OSTN: variants seen among roughly 807,000 people sequenced by gnomAD.
OSTN encodes osteocrin.
A neutral mutation model predicts 12.0 loss-of-function variants in OSTN; 9 were observed. That is an observed-to-expected ratio of 0.75 (90% CI 0.45 to 1.30). The LOEUF (loss-of-function observed/expected upper bound fraction) is 1.30, where lower values mean the gene tolerates loss of function less well. Among genes scored for constraint, OSTN ranks in the 50% most tolerant of loss-of-function variants. The pLI is 0.00. For synonymous variants in OSTN, 59 were observed against 56.9 expected (o/e 1.04, Z -0.16); for missense variants, 148 against 152.3 (o/e 0.97, Z 0.15).
chr3:191,226,713 AAT>A (rs1276309765), intron 3 of OSTN, among the ~76,000 whole-genome samples: 2 of 152,130 alleles, frequency 1.3e-5, no homozygotes, highest in African/African-American at 4.8e-5. Flanking sequence ...AAATTCAATA[AAT>A]AGACTCCATT....
At chr3:191,201,498 T>A (rs927746822) in intron 1 of OSTN, among the ~76,000 whole-genome samples, 1 of 152,184 alleles carries the variant, frequency 6.6e-6, no homozygotes, top group African/African-American at 2.4e-5. Flanking sequence ...GTATTAAAAG[T>A]TCACTTTAGG....
chr3:191,254,693 A>G (rs748894556), intron 4 of OSTN, among the ~76,000 whole-genome samples: 1 of 152,214 alleles, frequency 6.6e-6, no homozygotes, highest in African/African-American at 2.4e-5. Context: ...TACCAAAGAT[A>G]AGTCATAGTC....
intron 3 of OSTN, among the ~76,000 whole-genome samples, chr3:191,231,111 A>G (rs375407597): frequency 6.6e-6 from 1 of 152,350 alleles, no homozygotes; most frequent in Non-Finnish European, 1.5e-5. Context: ...ATTTTTTTAA[A>G]TACAGGAATT....
intron 1 of OSTN, among the ~76,000 whole-genome samples, chr3:191,208,406 G>A (rs1272454443): frequency 6.6e-6 from 1 of 152,202 alleles, no homozygotes; most frequent in Non-Finnish European, 1.5e-5. Flanking sequence ...GCAGGTGCCA[G>A]GGTGTTTGTT....
intron 3 of OSTN, among the ~76,000 whole-genome samples, chr3:191,223,548 G>A (rs926589807): frequency 2.0e-5 from 3 of 152,212 alleles, no homozygotes; most frequent in East Asian, 1.9e-4. Flanking sequence ...ATTGCTTCAC[G>A]GCTATTAACT....
At chr3:191,214,261 A>G (rs1483224183) in intron 2 of OSTN, among the ~76,000 whole-genome samples, 1 of 151,974 alleles carries the variant, frequency 6.6e-6, no homozygotes, top group Non-Finnish European at 1.5e-5. Context: ...GAGTCTGGCC[A>G]ACATGGTGAA....
At chr3:191,218,596 C>G (rs1054326482) in intron 2 of OSTN, 151 bp from the exon 3 acceptor site, 8 of 640,656 alleles carry the variant, frequency 1.2e-5, no homozygotes, top group Non-Finnish European at 1.9e-5. Flanking sequence ...GCACCCCAAC[C>G]TTGACAACAA....
At chr3:191,226,780 G>T (rs148580392) in intron 3 of OSTN, among the ~76,000 whole-genome samples, 64 of 152,268 alleles carry the variant, frequency 4.2e-4, no homozygotes, top group African/African-American at 1.5e-3. Flanking sequence ...GTAAGTAAAA[G>T]AATATAGTTT....
chr3:191,222,770 T>A (rs1410677781), intron 3 of OSTN, among the ~76,000 whole-genome samples: 1 of 152,052 alleles, frequency 6.6e-6, no homozygotes, highest in African/African-American at 2.4e-5. Context: ...GATCCCCTCG[T>A]GTTATGGGAA....
intron 2 of OSTN, among the ~76,000 whole-genome samples, chr3:191,216,284 T>G (rs1714609265): frequency 6.6e-6 from 1 of 152,210 alleles, no homozygotes; most frequent in Admixed American, 6.5e-5. Flanking sequence ...CCTGGCCTAT[T>G]AAACCATTTT....
chr3:191,230,439 C>T (rs1483137567), intron 3 of OSTN, among the ~76,000 whole-genome samples: 1 of 151,832 alleles, frequency 6.6e-6, no homozygotes, highest in Non-Finnish European at 1.5e-5. Flanking sequence ...TGGTGGGCGC[C>T]TGTAGCCCCA....
chr3:191,206,164 C>A (rs1321246421), intron 1 of OSTN, among the ~76,000 whole-genome samples: 2 of 148,366 alleles, frequency 1.3e-5, no homozygotes, highest in Non-Finnish European at 3.0e-5. Context: ...CCAGCCTGGG[C>A]AACAAGAGCG....
chr3:191,249,249 T>C (rs1013371953), intron 3 of OSTN, among the ~76,000 whole-genome samples: 2 of 152,218 alleles, frequency 1.3e-5, no homozygotes, highest in African/African-American at 4.8e-5. Flanking sequence ...GTGAAAGTTA[T>C]ACGATCAAAG....
At chr3:191,206,281 G>A (rs1317476972) in intron 1 of OSTN, among the ~76,000 whole-genome samples, 1 of 151,768 alleles carries the variant, frequency 6.6e-6, no homozygotes, top group Non-Finnish European at 1.5e-5. Flanking sequence ...TCTGAAATTG[G>A]AATTAGTCTT....
In OSTN at chr3:191,218,788, A is replaced by G. The variant is rs34687554; in HGVS notation, c.144A>G (p.Thr48=). ...SGVIDVQSTP[T]VREEKSATDL... ...TCATAGATGTGCAGTCAACACCCACAGTCAGGGAAGAGAAATCAGCCACTG... is the reference window on the plus strand; with the variant it reads ...TCATAGATGTGCAGTCAACACCCACGGTCAGGGAAGAGAAATCAGCCACTG... Residue 48 remains threonine, a synonymous_variant, in exon 3 of 5, where the codon ACA becomes ACG. Transcript: ENST00000682035. The G allele has an allele frequency of 9.7e-3, 15,651 of 1,614,078 alleles. 95 individuals are homozygous for G. The highest frequency in any genetic ancestry group is 0.014 in the South Asian group (1,299 of 91,074).
At chr3:191,204,386 A>G (rs531444559) in intron 1 of OSTN, among the ~76,000 whole-genome samples, 4 of 152,310 alleles carry the variant, frequency 2.6e-5, no homozygotes, top group South Asian at 2.1e-4. Context: ...AGGATAATAT[A>G]GATGATATAT....
intron 3 of OSTN, among the ~76,000 whole-genome samples, chr3:191,224,148 C>T (rs1168809483): frequency 9.9e-5 from 15 of 152,124 alleles, no homozygotes; most frequent in Admixed American, 9.2e-4. Flanking sequence ...GATGCTGAGG[C>T]GGGCAGATCA....
At chr3:191,238,792 C>G (rs779985416) in intron 3 of OSTN, among the ~76,000 whole-genome samples, 2 of 152,210 alleles carry the variant, frequency 1.3e-5, no homozygotes, top group Non-Finnish European at 2.9e-5. Context: ...CAGCTCAGCT[C>G]AAGACCATAG....
chr3:191,263,077 T>G lies in OSTN; in HGVS notation c.*224T>G. On this transcript the variant is annotated 3_prime_UTR_variant, in exon 5 of 5. Coordinates refer to ENST00000682035, the MANE Select transcript of OSTN (RefSeq NM_198184.2). ...CACGTACATTTTAAAATTATATATT[T>G]TAATTATTCAAGAATGGTTAACTTC... is the stretch of plus-strand genomic sequence containing the variant. The G allele has an allele frequency of 2.1e-6, 1 of 487,344 alleles. No individual in the cohort carries two copies. Among genetic ancestry groups the G allele is most frequent in the Non-Finnish European group, 3.6e-6 (1 of 275,046 alleles). The allele number at this position is 487,344 out of a possible 1,614,324, so 30.2% of individuals were successfully genotyped here. A position where few individuals can be genotyped will look rare whatever the true frequency, so the allele number is the denominator to read the frequency against.
Sources: allele counts gnomAD v4.1 joint callset (sites outside exome capture counted in the v4.1 genomes callset), GRCh38; gene constraint gnomAD v4.1.1; transcripts MANE v1.5; gene names NCBI Gene and HGNC (gene_info 2026-07-23, HGNC 2026-07-21).